The following NEGR1 variants were observed in gnomAD, a reference collection of about 807,000 sequenced individuals.
The protein encoded by NEGR1 is neuronal growth regulator 1.
Under a neutral mutation model 40.9 loss-of-function variants are expected in NEGR1, and 10 were observed. That is an observed-to-expected ratio of 0.24 (90% confidence interval 0.15 to 0.42). NEGR1 has a LOEUF of 0.42. Among genes scored for constraint, NEGR1 ranks in the 10% least tolerant of loss-of-function variants. The pLI, the probability that NEGR1 is intolerant of heterozygous loss-of-function variation, is 1.00. For synonymous variants in NEGR1, 185 were observed against 166.8 expected, an observed-to-expected ratio of 1.11 and a Z score of -0.84; for missense variants, 352 against 438.9, an observed-to-expected ratio of 0.80 and a Z score of 1.77.
intron 1 of NEGR1, among the ~76,000 whole-genome samples, chr1:72,002,993 A>T (rs531102510): frequency 2.0e-3 from 305 of 152,270 alleles, no homozygotes; most frequent in Non-Finnish European, 3.5e-3. Flanking sequence ...ATGTAAAGTG[A>T]CTCCAACATA....
At chr1:72,264,198 C>G (rs897448088) in intron 1 of NEGR1, among the ~76,000 whole-genome samples, 1 of 151,204 alleles carries the variant, frequency 6.6e-6, no homozygotes, top group Non-Finnish European at 1.5e-5. Context: ...AGTTCCAATC[C>G]AAGCTTTGAT....
At chr1:71,849,235 T>C (rs1303046008) in intron 2 of NEGR1, among the ~76,000 whole-genome samples, 1 of 152,210 alleles carries the variant, frequency 6.6e-6, no homozygotes, top group Admixed American at 6.5e-5. Context: ...TCATGATTCA[T>C]GAAAGAAGGT....
chr1:71,428,927 C>A (rs1294822143), intron 6 of NEGR1, among the ~76,000 whole-genome samples: 1 of 152,092 alleles, frequency 6.6e-6, no homozygotes, highest in Admixed American at 6.5e-5. Flanking sequence ...AATTTTAAAA[C>A]TCCCTTTGGA....
intron 4 of NEGR1, among the ~76,000 whole-genome samples, chr1:71,628,245 G>GAACT (rs1650851303): frequency 6.6e-6 from 1 of 151,980 alleles, no homozygotes; most frequent in Admixed American, 6.6e-5. Flanking sequence ...GTGGAATTAT[G>GAACT]AACTGGTCAA....
At chr1:71,573,452 C>G (rs537058464) in intron 6 of NEGR1, 1 of 152,316 alleles carries the variant, frequency 6.6e-6, no homozygotes, top group Non-Finnish European at 1.5e-5. Flanking sequence ...TCATTGTGAT[C>G]TGGTGTTCTT....
chr1:71,933,043 T>A (rs1377443610), intron 2 of NEGR1, among the ~76,000 whole-genome samples: 1 of 152,184 alleles, frequency 6.6e-6, no homozygotes, highest in Non-Finnish European at 1.5e-5. Flanking sequence ...AGCTTTTAAT[T>A]TTATCCAATC....
chr1:71,533,428 T>C (rs1232664039), intron 6 of NEGR1, among the ~76,000 whole-genome samples: 1 of 151,574 alleles, frequency 6.6e-6, no homozygotes, highest in Non-Finnish European at 1.5e-5. Flanking sequence ...ACCTCCAAAC[T>C]TGGCCACATA....
intron 2 of NEGR1, among the ~76,000 whole-genome samples, chr1:71,783,331 C>T (rs1339065005): frequency 6.6e-6 from 1 of 152,108 alleles, no homozygotes; most frequent in African/African-American, 2.4e-5. Context: ...ACATAACAAA[C>T]CTCCTGGAAA....
intron 2 of NEGR1, among the ~76,000 whole-genome samples, chr1:71,852,515 C>T (rs1004305607): frequency 6.6e-6 from 1 of 152,068 alleles, no homozygotes; most frequent in African/African-American, 2.4e-5. Context: ...TCTAGCACTC[C>T]TGATTGTCTT....
chr1:71,848,049 C>T (rs1183393393), intron 2 of NEGR1, among the ~76,000 whole-genome samples: 3 of 152,162 alleles, frequency 2.0e-5, no homozygotes, highest in Non-Finnish European at 4.4e-5. Flanking sequence ...ATAGCCACAA[C>T]AGTCCCTTAA....
chr1:72,255,556 T>C (rs12744264), intron 1 of NEGR1, among the ~76,000 whole-genome samples: 2 of 124,480 alleles, frequency 1.6e-5, no homozygotes. Flanking sequence ...TCTTTTTTTT[T>C]TTTTTTTTTT....
intron 2 of NEGR1, among the ~76,000 whole-genome samples, chr1:71,901,406 T>G (rs1411095255): frequency 2.0e-5 from 3 of 152,174 alleles, no homozygotes; most frequent in African/African-American, 7.2e-5. Flanking sequence ...GTAGGCCCCA[T>G]GAGAGCAGCC....
rs540023664 is a variant in NEGR1 at position 71,772,385 on chromosome 1, C to T, written c.535+3787G>A. On this transcript the variant is annotated intron_variant, in intron 3 of 6. Coordinates refer to ENST00000357731, the MANE Select transcript of NEGR1 (RefSeq NM_173808.3). ...CACCACTGCACTCTAGTCTAGGCGA[C>T]AGAGTGAGACTTCATCTCCAAAAAA... is the stretch of plus-strand genomic sequence containing the variant. 8.6e-5 allele frequency among the ~76,000 whole-genome samples: 13 copies of T among 151,436 alleles called. No homozygotes were observed. In the South Asian group the frequency reaches 2.7e-3, roughly 32 times the overall value.
At chr1:72,138,622 T>G (rs565811177) in intron 1 of NEGR1, among the ~76,000 whole-genome samples, 1 of 151,936 alleles carries the variant, frequency 6.6e-6, no homozygotes, top group Admixed American at 6.6e-5. Flanking sequence ...AAAACTGAGA[T>G]AAAAAAGGTG....
chr1:72,215,125 T>C (rs1653752566), intron 1 of NEGR1, among the ~76,000 whole-genome samples: 1 of 152,124 alleles, frequency 6.6e-6, no homozygotes, highest in African/African-American at 2.4e-5. Flanking sequence ...AAGGATTCCC[T>C]ATTTAATAAA....
intron 1 of NEGR1, among the ~76,000 whole-genome samples, chr1:72,192,670 T>C (rs1570103542): frequency 1.3e-5 from 2 of 151,894 alleles, no homozygotes; most frequent in South Asian, 4.1e-4. Context: ...AAGCTTCCAA[T>C]ATTCCATGTA....
chr1:71,728,549 T>C (rs1246281349), intron 3 of NEGR1, among the ~76,000 whole-genome samples: 1 of 152,096 alleles, frequency 6.6e-6, no homozygotes, highest in Non-Finnish European at 1.5e-5. Context: ...ACATATTTTT[T>C]ACTGACACTC....
chr1:71,589,296 C>T (rs563027878), intron 6 of NEGR1, among the ~76,000 whole-genome samples: 2 of 152,280 alleles, frequency 1.3e-5, no homozygotes, highest in South Asian at 4.1e-4. Context: ...TTGCTTGCTT[C>T]TGCAGGATGC....
chr1:71,410,311 G>T (rs756344451), intron 6 of NEGR1, among the ~76,000 whole-genome samples: 6 of 152,044 alleles, frequency 3.9e-5, no homozygotes, highest in Non-Finnish European at 8.8e-5. Context: ...TCACCATAAT[G>T]TGAGATCAGA....
Sources: allele counts gnomAD v4.1 joint callset (sites outside exome capture counted in the v4.1 genomes callset), GRCh38; gene constraint gnomAD v4.1.1; transcripts MANE v1.5; gene names NCBI Gene and HGNC (gene_info 2026-07-23, HGNC 2026-07-21).